Variants in ACAD10 observed in about 807,000 individuals in gnomAD.
ACAD10 encodes the protein ACAD-10.
A neutral mutation model predicts 116.8 loss-of-function variants in ACAD10; 112 were observed. The ratio of observed to expected loss-of-function variants is 0.96; its 90% CI spans 0.82 to 1.12. The LOEUF is 1.12. Ranked by LOEUF, ACAD10 falls within the 50% of genes most tolerant of loss-of-function variation. The pLI is 0.00. For missense variants in ACAD10, 1,259 were observed against 1,350.2 expected (o/e 0.93, Z 1.06); for synonymous variants, 486 against 510.6 (o/e 0.95, Z 0.65).
At chr12:111,755,601 G>A (rs1452645080) in intron 19 of ACAD10, 67 bp from the exon 20 acceptor site, 52 of 1,199,802 alleles carry the variant, frequency 4.3e-5, no homozygotes, top group Non-Finnish European at 6.0e-5. Flanking sequence ...TGGGGGACGG[G>A]GGGGCCTCAC....
At chr12:111,747,825 C>T (rs976026790) in intron 16 of ACAD10, 13 of 925,398 alleles carry the variant, frequency 1.4e-5, no homozygotes, top group Admixed American at 5.2e-5. Flanking sequence ...GCTTACCTCC[C>T]GGAGCCCATA....
Position 111,747,525 on chromosome 12 carries a change from G to A in ACAD10, c.2485+140G>A. On this transcript the variant is annotated intron_variant, in intron 16 of 20. Transcript: ENST00000313698. ...CTGTCACTTAGCGCCCCCAGCAGAG[G>A]CAGCTGGGAGAATAGGAGGGTAATC... The A allele has an allele frequency of 3.3e-6, 5 of 1,495,300 alleles. 1 individual carries two copies. The South Asian group carries it at 6.6e-5, about 20-fold the overall frequency. 92.6% of individuals were successfully genotyped at this position (1,495,300 alleles called of 1,614,324 possible). A position where few individuals can be genotyped will look rare whatever the true frequency, so the allele number is the denominator to read the frequency against.
At chr12:111,740,898 A>T (rs1033105118) in intron 12 of ACAD10, among the ~76,000 whole-genome samples, 4 of 152,114 alleles carry the variant, frequency 2.6e-5, no homozygotes, top group Non-Finnish European at 4.4e-5. Flanking sequence ...GCTAGTGCTG[A>T]TGGAGTGTTT....
intron 12 of ACAD10, among the ~76,000 whole-genome samples, chr12:111,741,425 C>T (rs1354078187): frequency 6.6e-6 from 1 of 152,280 alleles, no homozygotes; most frequent in East Asian, 1.9e-4. Context: ...TTTAGAGTCT[C>T]CACACTGAGT....
chr12:111,687,172 A>ATG (rs767815159), intron 1 of ACAD10, among the ~76,000 whole-genome samples: 1 of 151,700 alleles, frequency 6.6e-6, no homozygotes, highest in South Asian at 2.1e-4. Flanking sequence ...TACATTCTAG[A>ATG]TGTGTGTGTG....
chr12:111,744,750 A>T lies in ACAD10; in HGVS notation c.1822A>T (p.Met608Leu). 1 of 1,614,210 alleles carries T rather than the reference A, an allele frequency of 6.2e-7. No individual in the cohort carries two copies. The highest frequency in any genetic ancestry group is 1.7e-5 in the Admixed American group (1 of 60,028). ...AGAAGGGTTCCGGGTTTTCAAAGAG[A>T]TGCCCTTCACAAATCCGTTAACAAG... ...VKEGFRVFKE[M>L]PFTNPLTRSY... Residue 608 changes from methionine to leucine, a missense_variant, in exon 13 of 21, where the codon ATG becomes TTG. Coordinates refer to ENST00000313698, the MANE Select transcript of ACAD10 (RefSeq NM_025247.6).
intron 6 of ACAD10, 123 bp from the exon 7 acceptor site, chr12:111,715,698 T>G: frequency 1.5e-6 from 2 of 1,351,108 alleles, no homozygotes; most frequent in Admixed American, 4.2e-5. Context: ...GTACTTTTCT[T>G]GCACTGCATG....
chr12:111,749,796 G>T (rs1182253661), intron 18 of ACAD10: 1 of 146,560 alleles, frequency 6.8e-6, no homozygotes, highest in Non-Finnish European at 1.5e-5. Flanking sequence ...TTTTTTTTGA[G>T]ATGGAGTCTT....
chr12:111,695,879 T>A (rs940615717), intron 2 of ACAD10, among the ~76,000 whole-genome samples: 3 of 151,822 alleles, frequency 2.0e-5, no homozygotes. Flanking sequence ...CGGGGCATGG[T>A]GATGGGCACC....
rs1593038406 is a variant in ACAD10 at position 111,726,235 on chromosome 12, T to C, written c.1062-1727T>C. 2.0e-5 allele frequency among the ~76,000 whole-genome samples: 3 copies of C among 151,780 alleles called. No individual in the cohort carries two copies. The South Asian group carries it at 6.2e-4, about 32-fold the overall frequency. On this transcript the variant is annotated intron_variant, in intron 8 of 20. Coordinates refer to ENST00000313698, the MANE Select transcript of ACAD10 (RefSeq NM_025247.6). ...CACCACTGCACTCCAGCCTAGGTGA[T>C]AGAGTGAGACTCCATCTCAAAAATA...
chr12:111,713,444 G>A (rs1888750509), intron 6 of ACAD10, among the ~76,000 whole-genome samples: 1 of 152,026 alleles, frequency 6.6e-6, no homozygotes, highest in African/African-American at 2.4e-5. Flanking sequence ...GACCAACATG[G>A]TGAAACCTTG....
At chr12:111,748,939 G>A (rs1889992303) in intron 17 of ACAD10, 2 of 1,440,592 alleles carry the variant, frequency 1.4e-6, no homozygotes, top group Non-Finnish European at 1.9e-6. Context: ...GCATTATTAT[G>A]TTTTTATAAA....
chr12:111,723,684 ACC>A (rs374895437), intron 8 of ACAD10, among the ~76,000 whole-genome samples: 10,070 of 84,190 alleles, frequency 0.12, 1,422 homozygotes, highest in East Asian at 0.65. Context: ...CGGGGGGCTG[ACC>A]CCCCCCCCCA....
intron 19 of ACAD10, 46 bp from the exon 20 acceptor site, chr12:111,755,599 GGGGGGGCCTCACTCTGCCACCCA>G: frequency 8.8e-7 from 1 of 1,139,508 alleles, no homozygotes; most frequent in Non-Finnish European, 1.3e-6. Context: ...GATGGGGGAC[GGGGGGGCCTCACTCTGCCACCCA>G]GGCTGCCCTC....
intron 12 of ACAD10, among the ~76,000 whole-genome samples, chr12:111,740,782 C>CAAAAAAAA (rs751899672): frequency 2.0e-5 from 1 of 51,076 alleles, no homozygotes; most frequent in Non-Finnish European, 4.4e-5. Flanking sequence ...GACTCCATCT[C>CAAAAAAAA]AAAAAAAAAA....
At chr12:111,732,059 T>TGAGTGGTGA (rs1349069749) in intron 10 of ACAD10, among the ~76,000 whole-genome samples, 4 of 152,080 alleles carry the variant, frequency 2.6e-5, no homozygotes, top group African/African-American at 9.7e-5. Context: ...CCAGCCTGGG[T>TGAGTGGTGA]GACAGAGTGA....
At chr12:111,723,516 G>T (rs1325969564) in intron 8 of ACAD10, among the ~76,000 whole-genome samples, 1 of 135,910 alleles carries the variant, frequency 7.4e-6, no homozygotes, top group African/African-American at 2.8e-5. Context: ...CGGGCAGAGG[G>T]GCTCCTCACT....
At position 111,727,987 on chromosome 12, in the gene ACAD10, A is replaced by G. The variant is rs780573782; in HGVS notation, c.1087A>G (p.Met363Val). The G allele has an allele frequency of 1.9e-6, 3 of 1,612,282 alleles. No individual in the cohort carries two copies. The highest frequency in any genetic ancestry group is 2.7e-5 in the African/African-American group (2 of 74,814). Reference protein sequence around the residue: ...SSVIGTPFYVMEYCPGLIYKD... With the variant: ...SSVIGTPFYVVEYCPGLIYKD... The stretch of plus-strand genomic sequence containing the variant: ...TGTCATTGGCACCCCCTTCTATGTG[A>G]TGGAGTACTGCCCAGGTCTCATCTA... Residue 363 changes from methionine (M) to valine (V), a missense_variant, in exon 9 of 21, where the codon ATG (methionine) becomes GTG (valine). Transcript: ENST00000313698.
At chr12:111,748,731 C>T in intron 17 of ACAD10, 1 of 573,034 alleles carries the variant, frequency 1.7e-6, no homozygotes, top group Non-Finnish European at 3.0e-6. Context: ...CACAGGAAGC[C>T]ATACAGGGCA....
Sources: allele counts gnomAD v4.1 joint callset (sites outside exome capture counted in the v4.1 genomes callset), GRCh38; gene constraint gnomAD v4.1.1; transcripts MANE v1.5; gene names NCBI Gene and HGNC (gene_info 2026-07-23, HGNC 2026-07-21).